Variants in DUSP13B observed in about 807,000 individuals in gnomAD.
The protein encoded by DUSP13B is dual specificity protein phosphatase 13B.
chr10:75,095,785 G>C, the DUSP13B span: 1 of 1,614,088 alleles, frequency 6.2e-7, no homozygotes, highest in East Asian at 2.2e-5. Context: ...CTCTTGTCCC[G>C]GGCTGCGTAC....
At chr10:75,099,633 C>G in the DUSP13B span, 2 of 998,120 alleles carry the variant, frequency 2.0e-6, no homozygotes, top group Non-Finnish European at 2.6e-6. Flanking sequence ...TCCGGTCCCT[C>G]TAAACCCCCA....
At chr10:75,101,166 T>C in the DUSP13B span, among the ~76,000 whole-genome samples, 1 of 151,974 alleles carries the variant, frequency 6.6e-6, no homozygotes, top group African/African-American at 2.4e-5. Context: ...AGCCTGAGGG[T>C]CTTGGGGAGG....
At chr10:75,105,517 G>T in the DUSP13B span, 1 of 847,610 alleles carries the variant, frequency 1.2e-6, no homozygotes, top group Non-Finnish European at 1.8e-6. Flanking sequence ...TGGAGAGAGG[G>T]CCAGGCCCCC....
the DUSP13B span, among the ~76,000 whole-genome samples, chr10:75,101,130 G>A: frequency 0.079 from 12,049 of 152,280 alleles, 726 homozygotes; most frequent in South Asian, 0.3. Context: ...GCTGCCAGTG[G>A]GGAACAGCTG....
the DUSP13B span, chr10:75,109,040 C>T: frequency 2.5e-6 from 4 of 1,611,478 alleles, no homozygotes; most frequent in Non-Finnish European, 3.4e-6. Context: ...GGCCAAACTT[C>T]GTCCACACGG....
chr10:75,094,568 C>G, the DUSP13B span: 2 of 1,266,998 alleles, frequency 1.6e-6, no homozygotes, highest in Middle Eastern at 2.7e-4. Context: ...CCTCAGCCCC[C>G]ACTTGCTGTT....
the DUSP13B span, among the ~76,000 whole-genome samples, chr10:75,098,688 T>G: frequency 3.3e-5 from 5 of 152,120 alleles, no homozygotes; most frequent in African/African-American, 1.2e-4. Context: ...TTTGAACCTG[T>G]GAGGCAGAGG....
chr10:75,103,840 G>C, the DUSP13B span: 2 of 1,238,222 alleles, frequency 1.6e-6, no homozygotes, highest in East Asian at 5.8e-5. Context: ...AGGGAACTTG[G>C]GGTCCCTGGC....
the DUSP13B span, among the ~76,000 whole-genome samples, chr10:75,098,042 C>T: frequency 0.068 from 10,290 of 152,284 alleles, 451 homozygotes; most frequent in Middle Eastern, 0.11. Context: ...TCAGCTGGGG[C>T]TGAGGCCTAG....
chr10:75,099,433 G>A, the DUSP13B span: 6 of 1,232,620 alleles, frequency 4.9e-6, no homozygotes, highest in South Asian at 2.1e-4. Flanking sequence ...ACCTACCTGG[G>A]GCATGGCCTG....
chr10:75,094,610 C>T, the DUSP13B span: 31 of 1,561,582 alleles, frequency 2.0e-5, no homozygotes, highest in East Asian at 7.0e-4. Flanking sequence ...ACAGCAGAGC[C>T]TGCTGTTCCC....
chr10:75,099,612 G>A, the DUSP13B span: 2 of 1,151,708 alleles, frequency 1.7e-6, no homozygotes, highest in Non-Finnish European at 2.2e-6. Context: ...CTTGTGGACT[G>A]CAGTGGGCCC....
chr10:75,096,847 G>C, the DUSP13B span, among the ~76,000 whole-genome samples: 1 of 152,136 alleles, frequency 6.6e-6, no homozygotes, highest in East Asian at 1.9e-4. Context: ...CAGTAAAATG[G>C]ATAAACTGTG....
chr10:75,098,749 G>A, the DUSP13B span, among the ~76,000 whole-genome samples: 3 of 152,178 alleles, frequency 2.0e-5, no homozygotes, highest in Admixed American at 6.5e-5. Context: ...GCAACAGAGC[G>A]AGAGTCCATC....
the DUSP13B span, chr10:75,099,207 T>C: frequency 7.3e-6 from 9 of 1,232,086 alleles, no homozygotes; most frequent in Middle Eastern, 3.1e-4. Context: ...CTGCCCCTGA[T>C]CCCCTGGACC....
chr10:75,105,923 G>T, the DUSP13B span: 2 of 1,504,762 alleles, frequency 1.3e-6, no homozygotes, highest in Non-Finnish European at 1.8e-6. Flanking sequence ...CCACCCACGG[G>T]CTGGGATGGG....
At chr10:75,105,279 C>G in the DUSP13B span, among the ~76,000 whole-genome samples, 1 of 152,148 alleles carries the variant, frequency 6.6e-6, no homozygotes, top group Admixed American at 6.5e-5. Flanking sequence ...AGGGGAGCCC[C>G]CACAGGCTTT....
chr10:75,094,762 G>A, the DUSP13B span: 3 of 1,614,166 alleles, frequency 1.9e-6, no homozygotes, highest in Non-Finnish European at 1.7e-6. Flanking sequence ...ATATTGCGGT[G>A]GGCCTGCACC....
the DUSP13B span, among the ~76,000 whole-genome samples, chr10:75,106,212 G>C: frequency 6.6e-6 from 1 of 150,556 alleles, no homozygotes; most frequent in Non-Finnish European, 1.5e-5. Context: ...AAAGTGTTGG[G>C]ATTACAGGCG....
Sources: gnomAD v4.1 joint callset for allele counts (sites outside exome capture counted in the v4.1 genomes callset) on GRCh38, gnomAD v4.1.1 for gene constraint, MANE v1.5 for transcripts, NCBI Gene and HGNC (gene_info 2026-07-23, HGNC 2026-07-21) for gene names.